The following ATAD2 variants were observed in gnomAD, a reference collection of about 807,000 sequenced individuals.
ATAD2 encodes the protein ATPase family AAA domain-containing protein 2.
Under a neutral mutation model 168.9 loss-of-function variants are expected in ATAD2, and 62 were observed. The ratio of observed to expected loss-of-function variants is 0.37; its 90% CI spans 0.30 to 0.45. The LOEUF is 0.45. Among genes scored for constraint, ATAD2 ranks in the 20% least tolerant of loss-of-function variants. ATAD2 has a pLI of 1.00. For missense variants in ATAD2, 1,419 were observed against 1,667.8 expected, an observed-to-expected ratio of 0.85 and a Z score of 2.60; for synonymous variants, 613 against 571.6, an observed-to-expected ratio of 1.07 and a Z score of -1.03.
At chr8:123,372,857 T>C (rs889775754) in intron 2 of ATAD2, among the ~76,000 whole-genome samples, 171 bp from the exon 3 acceptor site, 3 of 149,942 alleles carry the variant, frequency 2.0e-5, no homozygotes, top group African/African-American at 7.4e-5. Context: ...GCCTCCCCAG[T>C]AGGTAGAACT....
In ATAD2 at chr8:123,370,911, CCTT is replaced by C. The variant is rs1829132301; in HGVS notation, c.716_718del (p.Glu239del). The stretch of plus-strand genomic sequence containing the variant: ...CAAGAGAAGAGACTAACCCACACTG[CCTT>C]CTTGATTATCAGTTGTTTCTTCATC... On this transcript the variant is annotated inframe_deletion, in exon 6 of 28. Transcript: ENST00000287394. The C allele has an allele frequency of 1.2e-5, 20 of 1,604,086 alleles. No homozygotes were observed. Among genetic ancestry groups the C allele is most frequent in the Non-Finnish European group, 1.7e-5 (20 of 1,174,674 alleles).
intron 17 of ATAD2, 34 bp downstream of exon 17, chr8:123,346,584 A>C: frequency 6.7e-7 from 1 of 1,483,960 alleles, no homozygotes; most frequent in Non-Finnish European, 9.1e-7. Context: ...AAATTTACAC[A>C]TGCAAAAAAC....
intron 25 of ATAD2, among the ~76,000 whole-genome samples, chr8:123,327,159 C>T (rs949740965): frequency 6.6e-6 from 1 of 152,124 alleles, no homozygotes; most frequent in East Asian, 1.9e-4. Context: ...CACCCACAGC[C>T]TCCCAAAGTG....
At chr8:123,372,805 A>G (rs1478557992) in intron 2 of ATAD2, 119 bp from the exon 3 acceptor site, 13 of 723,340 alleles carry the variant, frequency 1.8e-5, no homozygotes, top group South Asian at 2.6e-5. Flanking sequence ...ATGACTCACT[A>G]CAGCCTCAAA....
intron 19 of ATAD2, among the ~76,000 whole-genome samples, chr8:123,343,381 G>A (rs1358455165): frequency 1.3e-5 from 2 of 152,126 alleles, no homozygotes; most frequent in East Asian, 1.9e-4. Context: ...ATAATAGTTA[G>A]TATTACAAAA....
chr8:123,372,726 A>T (rs1291774390), intron 2 of ATAD2, 40 bp from the exon 3 acceptor site: 1 of 1,475,848 alleles, frequency 6.8e-7, no homozygotes, highest in South Asian at 1.3e-5. Context: ...AATAATTGAC[A>T]TAACTTTATT....
intron 4 of ATAD2, 25 bp from the exon 5 acceptor site, chr8:123,371,363 A>G (rs1469716836): frequency 6.5e-7 from 1 of 1,544,496 alleles, no homozygotes. Context: ...TATAAATGTA[A>G]GTGAAAATTG....
intron 1 of ATAD2, chr8:123,401,621 G>C (rs1350181600): frequency 9.9e-7 from 1 of 1,013,968 alleles, no homozygotes; most frequent in African/African-American, 1.6e-5. Context: ...GTACAAGGTG[G>C]CTGAGTATGC....
chr8:123,326,173 T>G, intron 25 of ATAD2, 147 bp from the exon 26 acceptor site: 1 of 818,748 alleles, frequency 1.2e-6, no homozygotes, highest in Admixed American at 2.9e-5. Flanking sequence ...TGTTATAAGA[T>G]TAAGATACTG....
At chr8:123,363,928 C>A (rs554275158) in intron 8 of ATAD2, among the ~76,000 whole-genome samples, 2 of 152,136 alleles carry the variant, frequency 1.3e-5, no homozygotes, top group African/African-American at 4.8e-5. Context: ...TATGTTTATT[C>A]AAAAAATCTG....
chr8:123,348,112 A>C, intron 15 of ATAD2, 71 bp downstream of exon 15: 2 of 1,264,262 alleles, frequency 1.6e-6, no homozygotes, highest in Non-Finnish European at 2.2e-6. Context: ...CTTTTGCACC[A>C]ACCTAATATA....
chr8:123,379,887 A>AT (rs769102696), intron 2 of ATAD2, among the ~76,000 whole-genome samples: 152 of 127,606 alleles, frequency 1.2e-3, no homozygotes, highest in East Asian at 9.3e-3. Flanking sequence ...TATTATTATT[A>AT]TTATTTTTTT....
chr8:123,381,598 T>C (rs1178968592), intron 1 of ATAD2, among the ~76,000 whole-genome samples: 1 of 152,194 alleles, frequency 6.6e-6, no homozygotes, highest in African/African-American at 2.4e-5. Flanking sequence ...GTACAATAAA[T>C]AGACTAGAGG....
At chr8:123,408,930 C>A (rs1043589352) in intron 1 of ATAD2, among the ~76,000 whole-genome samples, 2 of 151,884 alleles carry the variant, frequency 1.3e-5, no homozygotes, top group Non-Finnish European at 2.9e-5. Flanking sequence ...CAAGTTCAAG[C>A]GATTCTCGTG....
intron 1 of ATAD2, among the ~76,000 whole-genome samples, chr8:123,394,387 T>C (rs1485529768): frequency 6.6e-6 from 1 of 152,172 alleles, no homozygotes; most frequent in Non-Finnish European, 1.5e-5. Context: ...CCCAGCATTT[T>C]GGGAGGCTGA....
At chr8:123,337,590 C>CTAGA in intron 21 of ATAD2, 35 bp downstream of exon 21, 1 of 1,530,694 alleles carries the variant, frequency 6.5e-7, no homozygotes, top group Non-Finnish European at 8.8e-7. Context: ...GCATTATGGC[C>CTAGA]TAGAATACAC....
chr8:123,389,970 ATATATATATATATATTTT>A (rs1434536992), intron 1 of ATAD2, among the ~76,000 whole-genome samples: 3 of 110,118 alleles, frequency 2.7e-5, no homozygotes, highest in African/African-American at 1.3e-4. Flanking sequence ...TTATATATAT[ATATATATATATATATTTT>A]TTTTTTTTTA....
At chr8:123,401,568 A>T (rs750295527) in intron 1 of ATAD2, 119 of 1,462,588 alleles carry the variant, frequency 8.1e-5, no homozygotes, top group Non-Finnish European at 1.1e-4. Flanking sequence ...CCTCTGCATC[A>T]CCCAGGAAGT....
chr8:123,378,428 G>A (rs568792432), intron 2 of ATAD2, among the ~76,000 whole-genome samples: 4 of 152,184 alleles, frequency 2.6e-5, no homozygotes, highest in South Asian at 2.1e-4. Flanking sequence ...CCAGGCCAGC[G>A]CAGTAGCTCA....
Sources: gnomAD v4.1 joint callset for allele counts (sites outside exome capture counted in the v4.1 genomes callset) on GRCh38, gnomAD v4.1.1 for gene constraint, MANE v1.5 for transcripts, NCBI Gene and HGNC (gene_info 2026-07-23, HGNC 2026-07-21) for gene names.